The following TRPA1 variants were observed in gnomAD, a reference collection of about 807,000 sequenced individuals.
TRPA1 encodes the protein ankyrin-like with transmembrane domains 1.
A neutral mutation model predicts 131.3 loss-of-function variants in TRPA1; 129 were observed. The ratio of observed to expected loss-of-function variants is 0.98; its 90% confidence interval spans 0.85 to 1.14. TRPA1 has a LOEUF of 1.14. Ranked by LOEUF, TRPA1 falls within the 50% of genes most tolerant of loss-of-function variation. The pLI is 0.00. For missense variants in TRPA1, 1,304 were observed against 1,354.2 expected (o/e 0.96, Z 0.58); for synonymous variants, 441 against 451.7 (o/e 0.98, Z 0.30).
intron 17 of TRPA1, among the ~76,000 whole-genome samples, chr8:72,040,771 T>C (rs997341719): frequency 1.3e-5 from 2 of 152,018 alleles, no homozygotes; most frequent in East Asian, 3.9e-4. Flanking sequence ...TGTCCCAGTA[T>C]CATGACTTGC....
At chr8:72,029,478 T>TG (rs1197798363) in intron 24 of TRPA1, among the ~76,000 whole-genome samples, 1 of 152,230 alleles carries the variant, frequency 6.6e-6, no homozygotes, top group East Asian at 1.9e-4. Context: ...AAGGTATCCA[T>TG]GCTAAGTAAC....
At chr8:72,039,271 G>A (rs778320896) in intron 18 of TRPA1, among the ~76,000 whole-genome samples, 11 of 151,976 alleles carry the variant, frequency 7.2e-5, no homozygotes, top group East Asian at 3.9e-4. Flanking sequence ...ATAATCTGTC[G>A]GCAATATGAG....
chr8:72,082,120 ATTGT>A, the TRPA1 span, among the ~76,000 whole-genome samples: 5 of 151,802 alleles, frequency 3.3e-5, no homozygotes, highest in Non-Finnish European at 5.9e-5. Flanking sequence ...TCATCGGTAG[ATTGT>A]TTGGATGTTT....
chr8:72,049,286 C>T (rs922554649), intron 15 of TRPA1, among the ~76,000 whole-genome samples: 1 of 152,102 alleles, frequency 6.6e-6, no homozygotes, highest in African/African-American at 2.4e-5. Context: ...CTTTTGTAAT[C>T]ACTTTGTAAG....
chr8:72,031,624 CA>C (rs1676618248), intron 23 of TRPA1, among the ~76,000 whole-genome samples: 1 of 150,860 alleles, frequency 6.6e-6, no homozygotes, highest in African/African-American at 2.4e-5. Flanking sequence ...AAAAAACAAA[CA>C]AACAACAAAA....
Position 72,023,007 on chromosome 8 carries a change from A to G in TRPA1, c.3259T>C (p.Phe1087Leu), listed in dbSNP as rs1457045088. The G allele has an allele frequency of 2.5e-6, 4 of 1,613,758 alleles. No individual in the cohort carries two copies. In the Admixed American group the frequency reaches 6.7e-5, roughly 27 times the overall value. ...TGCTCTTTCTTAAACCTGTCTTGAA[A>G]AGAACAATGGCTATCATCATCCTCT... ...ETEDDDSHCS[F>L]QDRFKKEQME... Residue 1087 changes from phenylalanine (F) to leucine (L), a missense_variant, in exon 27 of 27, where the codon TTT (phenylalanine) becomes CTT (leucine). Physicochemically the swap from Phe to Leu is conservative, Grantham distance 22 (BLOSUM62 0). Coordinates refer to ENST00000262209, the MANE Select transcript of TRPA1 (RefSeq NM_007332.3).
upstream of TRPA1, among the ~76,000 whole-genome samples, chr8:72,079,246 G>A (rs2129437359): frequency 6.6e-6 from 1 of 151,872 alleles, no homozygotes; most frequent in East Asian, 1.9e-4. Flanking sequence ...TTTGATAAAA[G>A]TCTAATTTGT....
At chr8:72,025,882 C>T (rs965947305) in intron 25 of TRPA1, 78 bp downstream of exon 25, 1 of 1,237,352 alleles carries the variant, frequency 8.1e-7, no homozygotes, top group East Asian at 2.4e-5. Context: ...TATAAAAGGG[C>T]CCCCTTAGGG....
At chr8:72,057,432 C>A (rs905513227) in intron 9 of TRPA1, among the ~76,000 whole-genome samples, 1 of 152,156 alleles carries the variant, frequency 6.6e-6, no homozygotes, top group African/African-American at 2.4e-5. Context: ...CATTGAAAGA[C>A]AGTTAATTAA....
chr8:72,032,146 T>A (rs1003330022), intron 23 of TRPA1, among the ~76,000 whole-genome samples: 1 of 152,184 alleles, frequency 6.6e-6, no homozygotes, highest in Admixed American at 6.6e-5. Flanking sequence ...CTTGGTAAGA[T>A]CCAGCTCACA....
intron 17 of TRPA1, among the ~76,000 whole-genome samples, chr8:72,045,518 A>G (rs998258895): frequency 6.7e-6 from 1 of 150,236 alleles, no homozygotes; most frequent in Non-Finnish European, 1.5e-5. Flanking sequence ...TATTTAATTT[A>G]AACTAGTTTT....
intron 3 of TRPA1, among the ~76,000 whole-genome samples, chr8:72,067,298 TCTC>T (rs748720426): frequency 6.6e-6 from 1 of 152,102 alleles, no homozygotes; most frequent in Non-Finnish European, 1.5e-5. Context: ...CAAAAAACCT[TCTC>T]CTCCTTCTAT....
At position 72,022,812 on chromosome 8, in the gene TRPA1, A is replaced by G; in HGVS notation, c.*94T>C. On this transcript the variant is annotated 3_prime_UTR_variant, in exon 27 of 27. Transcript: ENST00000262209. ...CATGATTTCACACGCAGCAAAATGA[A>G]TCATTCTGCTTCTTCCTCACTCTTT... 16 of 1,192,212 alleles carry G rather than the reference A, an allele frequency of 1.3e-5. No individual in the cohort carries two copies. Among genetic ancestry groups the G allele is most frequent in the Non-Finnish European group, 2.0e-5 (16 of 811,230 alleles). The allele number at this position is 1,192,212 out of a possible 1,614,324, so 73.9% of individuals were successfully genotyped here.
At chr8:72,023,161 T>C in intron 26 of TRPA1, 45 bp from the exon 27 acceptor site, 1 of 1,567,668 alleles carries the variant, frequency 6.4e-7, no homozygotes, top group South Asian at 1.1e-5. Context: ...CAGTTCTTCT[T>C]TTAGCCCTTC....
At chr8:72,035,817 C>T (rs17812289) in intron 21 of TRPA1, among the ~76,000 whole-genome samples, 35,575 of 151,444 alleles carry the variant, frequency 0.23, 4,457 homozygotes, top group Middle Eastern at 0.45. Context: ...CTGTTTAGTC[C>T]AGATTTGTCT....
At chr8:72,059,084 G>A (rs116523312) in intron 8 of TRPA1, among the ~76,000 whole-genome samples, 9 of 152,158 alleles carry the variant, frequency 5.9e-5, no homozygotes, top group African/African-American at 1.9e-4. Flanking sequence ...TCACACTCCC[G>A]GAAGACCCTC....
rs371001940 is a variant in TRPA1 at position 72,040,058 on chromosome 8, C to T, written c.2062-261G>A. ...CTTAACCTAGCATAAGCTTTTTAAT[C>T]TTATACAGGATTACAACAGGAAAGG... On this transcript the variant is annotated intron_variant, in intron 17 of 26. Transcript: ENST00000262209. 1.2e-4 allele frequency among the ~76,000 whole-genome samples: 19 copies of T among 152,098 alleles called. No individual in the cohort carries two copies. The East Asian group carries it at 3.7e-3, about 29-fold the overall frequency.
chr8:72,077,401 C>A (rs1806210299), upstream of TRPA1, among the ~76,000 whole-genome samples: 1 of 152,080 alleles, frequency 6.6e-6, no homozygotes, highest in African/African-American at 2.4e-5. Flanking sequence ...TTGTAATATC[C>A]CCTGGAGTCT....
Position 72,055,804 on chromosome 8 carries a change from G to A in TRPA1, c.1246C>T (p.Pro416Ser). The A allele has an allele frequency of 6.2e-7, 1 of 1,613,188 alleles. No homozygotes were observed. Among genetic ancestry groups the A allele is most frequent in the Non-Finnish European group, 8.5e-7 (1 of 1,179,366 alleles). ...VMDEDNDGCT[P>S]LHYACRQGGP... is the part of the protein sequence containing the mutation. ...CCCTGTCTACATGCATAATGTAGAG[G>A]AGTACACCCATCGTTGTCTTCATCC... is the stretch of plus-strand genomic sequence containing the variant. The change falls in exon 11 of 27, where the codon CCT becomes TCT. Residue 416 changes from proline to serine, a missense_variant. Transcript: ENST00000262209.
Sources: gnomAD v4.1 joint callset for allele counts (sites outside exome capture counted in the v4.1 genomes callset) on GRCh38, gnomAD v4.1.1 for gene constraint, MANE v1.5 for transcripts, NCBI Gene and HGNC (gene_info 2026-07-23, HGNC 2026-07-21) for gene names.